Variants in GCLC observed in about 807,000 individuals in gnomAD.
The protein encoded by GCLC is glutamate-cysteine ligase catalytic subunit, also known as glutamate--cysteine ligase catalytic subunit.
In GCLC, 30 loss-of-function variants were observed where a neutral mutation model predicts 81.5. The observed-to-expected ratio is 0.37, with a 90% CI of 0.28 to 0.50. The LOEUF (loss-of-function observed/expected upper bound fraction) is 0.50, where lower values mean the gene tolerates loss of function less well. Ranked by LOEUF, GCLC falls within the 20% of genes least tolerant of loss-of-function variation. The probability of loss-of-function intolerance (pLI) is 0.96; values close to 1 mark genes in which losing one functional copy is unlikely to be tolerated. For missense variants in GCLC, 556 were observed against 777.4 expected (o/e 0.72, Z 3.39); for synonymous variants, 262 against 273.3 (o/e 0.96, Z 0.41).
At chr6:53,511,645 T>C (rs1056836274) in intron 6 of GCLC, among the ~76,000 whole-genome samples, 1 of 152,068 alleles carries the variant, frequency 6.6e-6, no homozygotes, top group Non-Finnish European at 1.5e-5. Flanking sequence ...TCAAATTAAA[T>C]AGGACATCAC....
At chr6:53,536,910 C>T (rs1001018685) in intron 1 of GCLC, among the ~76,000 whole-genome samples, 2 of 152,182 alleles carry the variant, frequency 1.3e-5, no homozygotes, top group African/African-American at 2.4e-5. Context: ...AAGACTAATA[C>T]ACTTTTTTTC....
rs755749341 is a variant in GCLC at position 53,534,063 on chromosome 6, G to A, written c.150+10433C>T. On this transcript the variant is annotated intron_variant, in intron 1 of 15. Transcript: ENST00000650454. ...ACCTGCCTCGGCCTCCCAAAGTGCC[G>A]GGATTACAGGCGTGAACCATCACGC... Among the ~76,000 whole-genome samples, 13 of 152,268 alleles carry A rather than the reference G, an allele frequency of 8.5e-5. No homozygotes were observed. In the East Asian group the frequency reaches 1.4e-3, roughly 16 times the overall value.
chr6:53,527,176 G>A (rs1763098015), intron 1 of GCLC, among the ~76,000 whole-genome samples: 1 of 152,276 alleles, frequency 6.6e-6, no homozygotes, highest in South Asian at 2.1e-4. Context: ...TCAGGCCAAG[G>A]AGGGCAAGAC....
rs188025997 is a variant in GCLC, at chr6:53,509,341, A to G, written c.754-91T>C. On this transcript the variant is annotated intron_variant, in intron 6 of 15. Transcript: ENST00000650454. Reference sequence around the variant, plus strand: ...CAGAGAAGGAAGGTGCTGGGCAGAGAGGGGCAAGTTAACAACGCTTCATTA... The same window carrying G: ...CAGAGAAGGAAGGTGCTGGGCAGAGGGGGGCAAGTTAACAACGCTTCATTA... 265 of 802,638 alleles carry G rather than the reference A, an allele frequency of 3.3e-4. No individual in the cohort carries two copies. The African/African-American group carries it at 4.2e-3, about 13-fold the overall frequency. The allele number at this position is 802,638 out of a possible 1,614,324, so 49.7% of individuals were successfully genotyped here. A position where few individuals can be genotyped will look rare whatever the true frequency, so the allele number is the denominator to read the frequency against.
chr6:53,540,940 C>T (rs1294725632), intron 1 of GCLC, among the ~76,000 whole-genome samples: 1 of 152,172 alleles, frequency 6.6e-6, no homozygotes, highest in Non-Finnish European at 1.5e-5. Context: ...GGTGGCCAGG[C>T]ACACTGGCTC....
chr6:53,497,672 G>A lies in GCLC; in HGVS notation c.*1084C>T, dbSNP rs9382214. 1.3e-5 allele frequency: 2 copies of A among 152,490 alleles called. No homozygotes were observed. The highest frequency in any genetic ancestry group is 1.9e-4 in the East Asian group (1 of 5,184). 9.4% of individuals were successfully genotyped at this position (152,490 alleles called of 1,614,324 possible). ...GAGAAAAAAAACAACAAACTTCAAC[G>A]CAAAGCTATAATAATTATCTGAAAC... On this transcript the variant is annotated 3_prime_UTR_variant, in exon 16 of 16. Coordinates refer to ENST00000650454, the MANE Select transcript of GCLC (RefSeq NM_001498.4).
At chr6:53,535,454 C>T (rs1763242249) in intron 1 of GCLC, among the ~76,000 whole-genome samples, 1 of 151,944 alleles carries the variant, frequency 6.6e-6, no homozygotes, top group Non-Finnish European at 1.5e-5. Flanking sequence ...GTGGAGGTTG[C>T]ACTTAGCTGA....
chr6:53,519,417 C>T lies in GCLC; in HGVS notation c.446+1361G>A, dbSNP rs1484130527. Among the ~76,000 whole-genome samples the T allele has an allele frequency of 6.0e-5, 9 of 150,888 alleles. No individual in the cohort carries two copies. In the East Asian group the frequency reaches 1.4e-3, roughly 23 times the overall value. ...TCCTCCTGGAACCTTGGACATCCCA[C>T]CCCCTCCCCCTCCACCCACCAGAGT... On this transcript the variant is annotated intron_variant, in intron 3 of 15. Coordinates refer to ENST00000650454, the MANE Select transcript of GCLC (RefSeq NM_001498.4).
At chr6:53,526,531 G>T (rs1203352191) in intron 1 of GCLC, among the ~76,000 whole-genome samples, 1 of 152,090 alleles carries the variant, frequency 6.6e-6, no homozygotes, top group Non-Finnish European at 1.5e-5. Flanking sequence ...GGGCACGGTG[G>T]CTCATGCCTG....
At position 53,544,836 on chromosome 6, in the gene GCLC, T is replaced by A; in HGVS notation, c.-191A>T. On this transcript the variant is annotated 5_prime_UTR_variant, in exon 1 of 16. Coordinates refer to ENST00000650454, the MANE Select transcript of GCLC (RefSeq NM_001498.4). ...CCGGCGGCGGCCCCTGGCGCCCAGG[T>A]GACAGACCCTGGGTCCGACGCACCG... 2.1e-6 allele frequency: 1 copy of A among 475,964 alleles called. No homozygotes were observed. The allele number at this position is 475,964 out of a possible 1,614,324, so 29.5% of individuals were successfully genotyped here.
Position 53,542,133 on chromosome 6 carries a change from G to T in GCLC, c.150+2363C>A, listed in dbSNP as rs546771338. ...GGGCCTTCCAAAGTGTTGGGATTACGGGCCACCACGCCCAGCCATTATTAG... is the reference window on the plus strand; with the variant it reads ...GGGCCTTCCAAAGTGTTGGGATTACTGGCCACCACGCCCAGCCATTATTAG... On this transcript the variant is annotated intron_variant, in intron 1 of 15. Coordinates refer to ENST00000650454, the MANE Select transcript of GCLC (RefSeq NM_001498.4). Among the ~76,000 whole-genome samples, 3 of 152,212 alleles carry T rather than the reference G, an allele frequency of 2.0e-5. No homozygotes were observed. The East Asian group carries it at 5.8e-4, about 29-fold the overall frequency.
chr6:53,521,657 C>T (rs1229641101), intron 2 of GCLC, among the ~76,000 whole-genome samples: 1 of 152,030 alleles, frequency 6.6e-6, no homozygotes, highest in Non-Finnish European at 1.5e-5. Context: ...CCGTCTCTGT[C>T]TACTTAAATG....
rs1042529981 is a variant in GCLC, at chr6:53,520,786, T to C, written c.438A>G (p.Ser146=). Residue 146 remains serine (S), a synonymous_variant, in exon 3 of 16, where the codon TCA becomes TCG. Transcript: ENST00000650454. ...EENQALCTIT[S]FPRLGCPGFT... is the part of the protein sequence containing the mutation. ...TTAATATAGGAACTAACCTGGGAAA[T>C]GAAGTTATTGTGCAAAGAGCCTGAT... 3.7e-6 allele frequency: 6 copies of C among 1,613,812 alleles called. No individual in the cohort carries two copies. Among genetic ancestry groups the C allele is most frequent in the Non-Finnish European group, 3.4e-6 (4 of 1,179,708 alleles).
chr6:53,535,417 A>C (rs930395285), intron 1 of GCLC, among the ~76,000 whole-genome samples: 10 of 152,062 alleles, frequency 6.6e-5, no homozygotes, highest in African/African-American at 2.4e-4. Flanking sequence ...GGGAGGCTGA[A>C]GCAGGAGAAT....
At chr6:53,521,086 ACAGTTCT>A in intron 2 of GCLC, 126 bp from the exon 3 acceptor site, 1 of 770,666 alleles carries the variant, frequency 1.3e-6, no homozygotes, top group Non-Finnish European at 2.3e-6. Flanking sequence ...GAAGTCCTTC[ACAGTTCT>A]CAGTGATTAT....
chr6:53,544,416 C>A (rs1763410558), intron 1 of GCLC, 80 bp downstream of exon 1: 1 of 1,471,294 alleles, frequency 6.8e-7, no homozygotes, highest in Admixed American at 1.8e-5. Flanking sequence ...GCGATAGGGC[C>A]GGGGGCGTAG....
Position 53,506,732 on chromosome 6 carries a change from T to C in GCLC, c.1197+181A>G. ...GAGTACTTGAAACCGATTTTTTATT[T>C]GTCCAAGTTCTTTACTGCACTGGGT... On this transcript the variant is annotated intron_variant, in intron 10 of 15. Coordinates refer to ENST00000650454, the MANE Select transcript of GCLC (RefSeq NM_001498.4). This position sits in a 1 kb window ranked among gnomAD's most constrained non-coding sequence, Gnocchi z 4.0. 1 of 587,124 alleles carries C rather than the reference T, an allele frequency of 1.7e-6. No individual in the cohort carries two copies. Among genetic ancestry groups the C allele is most frequent in the Non-Finnish European group, 3.1e-6 (1 of 326,912 alleles). The allele number at this position is 587,124 out of a possible 1,614,324, so 36.4% of individuals were successfully genotyped here.
chr6:53,537,396 A>C (rs1561952280), intron 1 of GCLC, among the ~76,000 whole-genome samples: 1 of 152,242 alleles, frequency 6.6e-6, no homozygotes. Flanking sequence ...GACCTATAGA[A>C]GGAACCTGAA....
chr6:53,533,981 A>G (rs1021453649), intron 1 of GCLC, among the ~76,000 whole-genome samples: 8 of 151,904 alleles, frequency 5.3e-5, no homozygotes, highest in Non-Finnish European at 7.4e-5. Flanking sequence ...TTTAGTAGAG[A>G]GGGGGTTTTC....
Sources: allele counts gnomAD v4.1 joint callset (sites outside exome capture counted in the v4.1 genomes callset), GRCh38; gene constraint gnomAD v4.1.1; non-coding constraint Gnocchi (gnomAD v3.1); transcripts MANE v1.5; gene names NCBI Gene and HGNC (gene_info 2026-07-23, HGNC 2026-07-21).